The following PEAK1 variants were observed in gnomAD, a reference collection of about 807,000 sequenced individuals.
The protein encoded by PEAK1 is inactive tyrosine-protein kinase PEAK1.
In PEAK1, 54 loss-of-function variants were observed where a neutral mutation model predicts 124.7. The observed-to-expected ratio is 0.43, with a 90% CI of 0.35 to 0.54. The LOEUF (loss-of-function observed/expected upper bound fraction) is 0.54, where lower values mean the gene tolerates loss of function less well. Among genes scored for constraint, PEAK1 ranks in the 20% least tolerant of loss-of-function variants. The pLI, the probability that PEAK1 is intolerant of heterozygous loss-of-function variation, is 0.01. For synonymous variants in PEAK1, 719 were observed against 760.0 expected (o/e 0.95, Z 0.89); for missense variants, 2,046 against 2,134.5 (o/e 0.96, Z 0.82).
chr15:77,347,404 C>G, intron 2 of PEAK1: 1 of 985,306 alleles, frequency 1.0e-6, no homozygotes, highest in Non-Finnish European at 1.2e-6. Flanking sequence ...CATCAGAGTA[C>G]TGGCTGAATC....
In PEAK1 at chr15:77,114,273, C is replaced by T; in HGVS notation, c.5124G>A (p.Glu1708=). ...TTCCACCTTCCCTGTCCAGGGACTT[C>T]TCAGCAAACTTGATCATGAGCAGTG... ...KRTLLMIKFA[E]KSLDREGGIS... Residue 1708 remains glutamate, a synonymous_variant, in exon 10 of 10, where the codon GAG becomes GAA. Transcript: ENST00000682557. 7 of 1,614,238 alleles carry T rather than the reference C, an allele frequency of 4.3e-6. No individual in the cohort carries two copies. The highest frequency in any genetic ancestry group is 1.1e-5 in the South Asian group (1 of 91,088).
intron 6 of PEAK1, among the ~76,000 whole-genome samples, chr15:77,189,103 A>G (rs1276555440): frequency 2.0e-5 from 3 of 152,152 alleles, no homozygotes; most frequent in Admixed American, 2.0e-4. Context: ...CAGAAAGCTG[A>G]GGCAGGAGAA....
At chr15:77,404,468 T>C (rs2071636433) in intron 1 of PEAK1, 1 of 485,578 alleles carries the variant, frequency 2.1e-6, no homozygotes, top group Non-Finnish European at 2.7e-6. Flanking sequence ...CAATAATTGA[T>C]TATATTGATG....
chr15:77,410,339 G>A (rs2072300613), intron 1 of PEAK1, among the ~76,000 whole-genome samples: 2 of 152,058 alleles, frequency 1.3e-5, no homozygotes, highest in Admixed American at 6.6e-5. Context: ...GGGTCAGGCT[G>A]GTCTCGAACT....
chr15:77,332,348 C>A, intron 2 of PEAK1: 1 of 870,568 alleles, frequency 1.1e-6, no homozygotes, highest in Middle Eastern at 5.9e-4. Context: ...ACCTGTAATC[C>A]TAGCACTTTG....
intron 2 of PEAK1, among the ~76,000 whole-genome samples, chr15:77,306,289 C>A (rs1264746302): frequency 6.6e-6 from 1 of 152,166 alleles, no homozygotes; most frequent in Non-Finnish European, 1.5e-5. Context: ...AGTAAGACCT[C>A]TTAAACAATT....
intron 2 of PEAK1, among the ~76,000 whole-genome samples, chr15:77,295,232 G>A (rs1160505089): frequency 6.6e-6 from 1 of 152,028 alleles, no homozygotes; most frequent in Non-Finnish European, 1.5e-5. Context: ...ATGATGGCCT[G>A]TTCTCTTGAG....
chr15:77,135,589 C>T (rs977009484), intron 8 of PEAK1, among the ~76,000 whole-genome samples: 8 of 152,290 alleles, frequency 5.3e-5, no homozygotes, highest in East Asian at 3.9e-4. Context: ...GCTGTGTCCC[C>T]ACCCAAATCT....
intron 1 of PEAK1, among the ~76,000 whole-genome samples, chr15:77,371,774 G>A (rs2068659524): frequency 6.6e-6 from 1 of 152,230 alleles, no homozygotes; most frequent in Admixed American, 6.5e-5. Context: ...TGTAATTGCA[G>A]CTACTCGGGA....
chr15:77,332,558 C>A (rs569636651), intron 2 of PEAK1, among the ~76,000 whole-genome samples: 51 of 152,068 alleles, frequency 3.4e-4, no homozygotes, highest in African/African-American at 1.2e-3. Flanking sequence ...CAAGATTGCA[C>A]CACTGCACTC....
chr15:77,187,252 A>C (rs560754718), intron 6 of PEAK1, among the ~76,000 whole-genome samples: 8 of 152,314 alleles, frequency 5.3e-5, no homozygotes, highest in African/African-American at 1.9e-4. Context: ...AGTTTTCAGG[A>C]CCAAAGCCCT....
chr15:77,347,587 T>G (rs536664851), intron 2 of PEAK1: 2 of 985,272 alleles, frequency 2.0e-6, no homozygotes, highest in Non-Finnish European at 2.4e-6. Context: ...GTCCTAATAC[T>G]TGTTTGACCT....
At chr15:77,120,603 C>T (rs2051824712) in intron 9 of PEAK1, among the ~76,000 whole-genome samples, 1 of 152,236 alleles carries the variant, frequency 6.6e-6, no homozygotes, top group African/African-American at 2.4e-5. Context: ...ACCTTCATCA[C>T]TTGCCTGGAC....
At chr15:77,154,139 T>C (rs969299783) in intron 8 of PEAK1, among the ~76,000 whole-genome samples, 10 of 152,298 alleles carry the variant, frequency 6.6e-5, no homozygotes, top group African/African-American at 2.4e-4. Flanking sequence ...TGTAGGTCAC[T>C]AAGGACTTGC....
intron 2 of PEAK1, among the ~76,000 whole-genome samples, chr15:77,355,234 TGACA>T (rs1027257321): frequency 4.2e-4 from 64 of 152,280 alleles, no homozygotes; most frequent in African/African-American, 1.5e-3. Flanking sequence ...GAGATACGAT[TGACA>T]GACAGTAAGC....
At chr15:77,351,855 G>A (rs982380480) in intron 2 of PEAK1, 25 of 985,172 alleles carry the variant, frequency 2.5e-5, no homozygotes, top group Non-Finnish European at 2.8e-5. Context: ...ATTATTTCCG[G>A]GCATACAAGA....
At chr15:77,230,715 A>G (rs970987147) in intron 6 of PEAK1, among the ~76,000 whole-genome samples, 1 of 152,074 alleles carries the variant, frequency 6.6e-6, no homozygotes, top group Non-Finnish European at 1.5e-5. Flanking sequence ...TGGGCAACAC[A>G]ATGAGATTCT....
chr15:77,171,391 A>C (rs2056490023), intron 7 of PEAK1, among the ~76,000 whole-genome samples: 1 of 152,204 alleles, frequency 6.6e-6, no homozygotes, highest in Non-Finnish European at 1.5e-5. Flanking sequence ...ATGGAACTGG[A>C]GGACATTATG....
chr15:77,160,859 C>T (rs963674244), intron 7 of PEAK1, among the ~76,000 whole-genome samples: 1 of 152,078 alleles, frequency 6.6e-6, no homozygotes, highest in Non-Finnish European at 1.5e-5. Context: ...GTGTTCCTTC[C>T]CATTTGTCAA....
Sources: gnomAD v4.1 joint callset for allele counts (sites outside exome capture counted in the v4.1 genomes callset) on GRCh38, gnomAD v4.1.1 for gene constraint, MANE v1.5 for transcripts, NCBI Gene and HGNC (gene_info 2026-07-23, HGNC 2026-07-21) for gene names.